MSR1: variants seen among roughly 807,000 people sequenced by gnomAD.
MSR1 encodes macrophage scavenger receptor types I and II.
Under a neutral mutation model 47.2 loss-of-function variants are expected in MSR1, and 53 were observed. The observed-to-expected ratio is 1.12, with a 90% CI of 0.90 to 1.41. The LOEUF is 1.41. MSR1 is among the 40% of genes most tolerant of loss of function. The pLI, the probability that MSR1 is intolerant of heterozygous loss-of-function variation, is 0.00. For missense variants in MSR1, 786 were observed against 546.9 expected, an observed-to-expected ratio of 1.44 and a Z score of -4.36; for synonymous variants, 239 against 185.6, an observed-to-expected ratio of 1.29 and a Z score of -2.34.
intron 3 of MSR1, among the ~76,000 whole-genome samples, chr8:16,174,957 G>A (rs1406323461): frequency 6.6e-6 from 1 of 151,780 alleles, no homozygotes; most frequent in African/African-American, 2.4e-5. Flanking sequence ...TTTTTATCTT[G>A]CACTTCTTTT....
In MSR1 at chr8:16,192,358, T is replaced by C. The variant is rs192180298; in HGVS notation, c.-5+240A>G. Among the ~76,000 whole-genome samples the C allele has an allele frequency of 7.9e-5, 12 of 152,302 alleles. 1 individual carries two copies. The highest frequency in any genetic ancestry group is 5.2e-4 in the Admixed American group (8 of 15,278). ...GCATTTAGTGTATTTCATATGTACT[T>C]GTGAACATATATGTTTTTCACTCAT... On this transcript the variant is annotated intron_variant, in intron 1 of 9. Transcript: ENST00000262101.
intron 6 of MSR1, 52 bp from the exon 7 acceptor site, chr8:16,150,363 C>G (rs771781784): frequency 9.4e-7 from 1 of 1,059,366 alleles, no homozygotes; most frequent in East Asian, 2.7e-5. Flanking sequence ...TTCATACAGA[C>G]TTGAGAGTAT....
At chr8:16,163,415 T>C in intron 5 of MSR1, among the ~76,000 whole-genome samples, 1 of 151,598 alleles carries the variant, frequency 6.6e-6, no homozygotes, top group Non-Finnish European at 1.5e-5. Flanking sequence ...TGCAAATGGT[T>C]GAAATCAAAA....
At chr8:16,145,232 G>C (rs1452166239) in intron 7 of MSR1, among the ~76,000 whole-genome samples, 2 of 152,028 alleles carry the variant, frequency 1.3e-5, no homozygotes, top group South Asian at 2.1e-4. Context: ...AGTTGTTTCA[G>C]GTACTGCTAA....
At position 16,108,216 on chromosome 8, in the gene MSR1, C is replaced by CTAGTAA. The variant is rs1799679346; in HGVS notation, c.*1868_*1869insTTACTA. 2 of 148,164 alleles carry CTAGTAA rather than the reference C, an allele frequency of 1.3e-5. No homozygotes were observed. Among genetic ancestry groups the CTAGTAA allele is most frequent in the African/African-American group, 4.9e-5 (2 of 40,592 alleles). The allele number at this position is 148,164 out of a possible 1,614,324, so 9.2% of individuals were successfully genotyped here. ...ACTAGTAATAGCAATAGTACTAGTACTAGCAATAGTACTATTATTATTTTA... is the reference window on the plus strand; with the variant it reads ...ACTAGTAATAGCAATAGTACTAGTACTAGTAATAGCAATAGTACTATTATTATTTTA... On this transcript the variant is annotated 3_prime_UTR_variant, in exon 10 of 10. Coordinates refer to ENST00000262101, the MANE Select transcript of MSR1 (RefSeq NM_138715.3).
chr8:16,127,327 T>A (rs1046228775), intron 8 of MSR1, among the ~76,000 whole-genome samples: 1 of 152,110 alleles, frequency 6.6e-6, no homozygotes, highest in African/African-American at 2.4e-5. Context: ...GAGTTACAAA[T>A]CATTCGCATT....
At chr8:16,130,380 A>G (rs1440284736) in intron 8 of MSR1, among the ~76,000 whole-genome samples, 1 of 152,058 alleles carries the variant, frequency 6.6e-6, no homozygotes, top group African/African-American at 2.4e-5. Flanking sequence ...AGCATTTCAA[A>G]CTTTTCCTTT....
chr8:16,168,056 G>A (rs1421542383), intron 4 of MSR1, among the ~76,000 whole-genome samples: 1 of 151,356 alleles, frequency 6.6e-6, no homozygotes, highest in South Asian at 2.1e-4. Flanking sequence ...AAAGTTCTGA[G>A]TGAAACTTAC....
chr8:16,135,597 C>A (rs351551), intron 8 of MSR1, among the ~76,000 whole-genome samples: 7,040 of 152,162 alleles, frequency 0.046, 550 homozygotes, highest in African/African-American at 0.16. Flanking sequence ...CCCATGGATC[C>A]AGGATTAATT....
At chr8:16,182,145 T>C (rs919920728) in intron 1 of MSR1, among the ~76,000 whole-genome samples, 2 of 152,196 alleles carry the variant, frequency 1.3e-5, no homozygotes, top group Admixed American at 6.5e-5. Flanking sequence ...CTGAATCCTG[T>C]AGGCAGTTGG....
rs575299861 is a variant in MSR1, at chr8:16,134,139, G to A, written c.1033+9419C>T. Among the ~76,000 whole-genome samples the A allele has an allele frequency of 5.5e-4, 84 of 152,076 alleles. 1 individual carries two copies. The highest frequency in any genetic ancestry group is 1.9e-3 in the Admixed American group (29 of 15,262). On this transcript the variant is annotated intron_variant, in intron 8 of 9. Coordinates refer to ENST00000262101, the MANE Select transcript of MSR1 (RefSeq NM_138715.3). ...GCCTATAAACTTTTCATAAAGTATC[G>A]GTGATTTCACCATTCTTCCAAACAA...
chr8:16,127,673 T>G (rs17620722), intron 8 of MSR1, among the ~76,000 whole-genome samples: 6,782 of 152,222 alleles, frequency 0.045, 248 homozygotes, highest in East Asian at 0.13. Context: ...GACTTCACAA[T>G]GAATATAACA....
chr8:16,179,601 C>G (rs1015530833), intron 1 of MSR1, among the ~76,000 whole-genome samples: 1 of 151,896 alleles, frequency 6.6e-6, no homozygotes, highest in African/African-American at 2.4e-5. Flanking sequence ...ATTTATTGGC[C>G]GGGCACAGTG....
In MSR1 at chr8:16,189,514, T is replaced by A. The variant is rs1328947390; in HGVS notation, c.-5+3084A>T. Among the ~76,000 whole-genome samples the A allele has an allele frequency of 1.0e-4, 10 of 98,914 alleles. 2 individuals carry two copies. The highest frequency in any genetic ancestry group is 4.6e-4 in the African/African-American group (9 of 19,456). The allele number at this position is 98,914 out of a possible 152,430, so 64.9% of individuals were successfully genotyped here. A position where few individuals can be genotyped will look rare whatever the true frequency, so the allele number is the denominator to read the frequency against. On this transcript the variant is annotated intron_variant, in intron 1 of 9. Transcript: ENST00000262101. Reference sequence around the variant, plus strand: ...ATCTTATTTTATATATATTTTTATATATAAAAAATCATATTTTATATATAT... The same window carrying A: ...ATCTTATTTTATATATATTTTTATAAATAAAAAATCATATTTTATATATAT...
Position 16,134,476 on chromosome 8 carries a change from C to T in MSR1, c.1033+9082G>A, listed in dbSNP as rs564676450. Reference sequence around the variant, plus strand: ...AACCATGCCCGTAAAAGATGGCAAACTTAGTTGATATATGTTGTGTGTATT... The same window carrying T: ...AACCATGCCCGTAAAAGATGGCAAATTTAGTTGATATATGTTGTGTGTATT... On this transcript the variant is annotated intron_variant, in intron 8 of 9. Coordinates refer to ENST00000262101, the MANE Select transcript of MSR1 (RefSeq NM_138715.3). 4.6e-5 allele frequency among the ~76,000 whole-genome samples: 7 copies of T among 152,162 alleles called. No homozygotes were observed. The South Asian group carries it at 1.0e-3, about 23-fold the overall frequency.
At chr8:16,173,693 G>T (rs1801555887) in intron 3 of MSR1, among the ~76,000 whole-genome samples, 1 of 151,866 alleles carries the variant, frequency 6.6e-6, no homozygotes, top group South Asian at 2.1e-4. Context: ...TGTCCCCTCA[G>T]GCTGGAGCAC....
chr8:16,166,164 C>CTTTTTTTTT (rs397892292), intron 4 of MSR1, among the ~76,000 whole-genome samples: 8 of 71,292 alleles, frequency 1.1e-4, no homozygotes, highest in East Asian at 9.3e-4. Flanking sequence ...CTTTTTCTTT[C>CTTTTTTTTT]TTTTTTTTTT....
intron 6 of MSR1, among the ~76,000 whole-genome samples, chr8:16,150,977 T>C (rs548304395): frequency 6.6e-6 from 1 of 152,030 alleles, no homozygotes; most frequent in East Asian, 1.9e-4. Flanking sequence ...AAATGGCTAT[T>C]TTTTTTACCC....
chr8:16,130,088 G>A (rs985404242), intron 8 of MSR1, among the ~76,000 whole-genome samples: 11 of 152,096 alleles, frequency 7.2e-5, no homozygotes, highest in African/African-American at 2.4e-4. Flanking sequence ...CTTCTAATTG[G>A]TTCTGGTGAG....
Sources: allele counts gnomAD v4.1 joint callset (sites outside exome capture counted in the v4.1 genomes callset), GRCh38; gene constraint gnomAD v4.1.1; transcripts MANE v1.5; gene names NCBI Gene and HGNC (gene_info 2026-07-23, HGNC 2026-07-21).